Variants in RCOR1 observed in about 807,000 individuals in gnomAD.
RCOR1 encodes the protein REST corepressor 1, also known as REST corepressor.
Under a neutral mutation model 64.0 loss-of-function variants are expected in RCOR1, and 12 were observed. That is an observed-to-expected ratio of 0.19 (90% CI 0.12 to 0.30). The LOEUF (loss-of-function observed/expected upper bound fraction) is 0.30. RCOR1 is among the 10% of genes least tolerant of loss of function. The pLI, the probability that RCOR1 is intolerant of heterozygous loss-of-function variation, is 1.00. For missense variants in RCOR1, 502 were observed against 621.2 expected (o/e 0.81, Z 2.04); for synonymous variants, 279 against 227.2 (o/e 1.23, Z -2.05).
At chr14:102,597,590 A>C (rs1893283914) in intron 2 of RCOR1, among the ~76,000 whole-genome samples, 1 of 148,488 alleles carries the variant, frequency 6.7e-6, no homozygotes, top group African/African-American at 2.5e-5. Flanking sequence ...TGGCTTCCCA[A>C]AGTGCTGGGA....
At chr14:102,612,666 T>TC (rs1893655177) in intron 2 of RCOR1, among the ~76,000 whole-genome samples, 1 of 151,902 alleles carries the variant, frequency 6.6e-6, no homozygotes, top group African/African-American at 2.4e-5. Flanking sequence ...GATGAAGTAC[T>TC]CCATCTGATC....
chr14:102,658,802 C>T (rs1323413954), intron 2 of RCOR1: 1 of 272,116 alleles, frequency 3.7e-6, no homozygotes, highest in African/African-American at 2.3e-5. Flanking sequence ...TATGATGTCT[C>T]CCCAGTTTGC....
chr14:102,614,241 T>G (rs1236540526), intron 2 of RCOR1, among the ~76,000 whole-genome samples: 2 of 147,608 alleles, frequency 1.4e-5, no homozygotes, highest in African/African-American at 5.0e-5. Context: ...TTTTTTTTTT[T>G]TGAGACGGAG....
At chr14:102,637,584 A>G (rs1267527279) in intron 2 of RCOR1, among the ~76,000 whole-genome samples, 3 of 152,016 alleles carry the variant, frequency 2.0e-5, no homozygotes, top group Admixed American at 6.6e-5. Context: ...CCAAGTAGCT[A>G]GGACCACAGG....
At chr14:102,697,875 C>T (rs753724257) in intron 3 of RCOR1, among the ~76,000 whole-genome samples, 1 of 152,092 alleles carries the variant, frequency 6.6e-6, no homozygotes, top group Non-Finnish European at 1.5e-5. Flanking sequence ...CACGCACCAC[C>T]GTGCCCAGCT....
intron 3 of RCOR1, among the ~76,000 whole-genome samples, chr14:102,689,472 C>T (rs899078083): frequency 2.0e-5 from 3 of 152,114 alleles, no homozygotes; most frequent in Non-Finnish European, 4.4e-5. Flanking sequence ...CCAGAAGGAG[C>T]AAATTTCTCA....
At chr14:102,673,861 C>G (rs767264746) in intron 2 of RCOR1, among the ~76,000 whole-genome samples, 2 of 152,170 alleles carry the variant, frequency 1.3e-5, no homozygotes, top group Non-Finnish European at 2.9e-5. Flanking sequence ...GTGATCCGCC[C>G]GCCGCCGCCT....
At chr14:102,659,083 C>A in intron 2 of RCOR1, 1 of 973,238 alleles carries the variant, frequency 1.0e-6, no homozygotes, top group Non-Finnish European at 1.2e-6. Flanking sequence ...TGAAATTCTC[C>A]CACGAGGAAG....
rs11380772 is a variant in RCOR1, at chr14:102,727,281, A to ACCCCCCCCCCCCCCCCCCCCCCCCCCCCC, written c.*783_*784insCCCCCCCCCCCCCCCCCCCCCCCCCCCCC. ...GTGGTTGCCACCCCATCTTTTCCTG[A>ACCCCCCCCCCCCCCCCCCCCCCCCCCCCC]CCCCCCCCACCCCCCCACCTCCAAG... is the stretch of plus-strand genomic sequence containing the variant. On this transcript the variant is annotated 3_prime_UTR_variant, in exon 12 of 12. Transcript: ENST00000262241. The ACCCCCCCCCCCCCCCCCCCCCCCCCCCCC allele has an allele frequency of 1.4e-4, 17 of 118,146 alleles. No homozygotes were observed. Among genetic ancestry groups the ACCCCCCCCCCCCCCCCCCCCCCCCCCCCC allele is most frequent in the Admixed American group, 1.8e-4 (2 of 11,288 alleles). The allele number at this position is 118,146 out of a possible 1,614,324, so 7.3% of individuals were successfully genotyped here. A position where few individuals can be genotyped will look rare whatever the true frequency, so the allele number is the denominator to read the frequency against.
intron 3 of RCOR1, among the ~76,000 whole-genome samples, chr14:102,686,548 TATC>T (rs1461711302): frequency 6.6e-6 from 1 of 152,238 alleles, no homozygotes; most frequent in Non-Finnish European, 1.5e-5. Context: ...CCAATGTAGT[TATC>T]ATCGTTTCAC....
At chr14:102,639,560 G>A (rs1215144173) in intron 2 of RCOR1, among the ~76,000 whole-genome samples, 4 of 148,100 alleles carry the variant, frequency 2.7e-5, no homozygotes, top group South Asian at 4.2e-4. Flanking sequence ...TTGAGATGGA[G>A]TCTCGCTCTG....
chr14:102,639,182 A>G (rs1894306458), intron 2 of RCOR1, among the ~76,000 whole-genome samples: 1 of 152,084 alleles, frequency 6.6e-6, no homozygotes, highest in Admixed American at 6.6e-5. Context: ...GAAGGTAACT[A>G]AACAGCGTAA....
intron 3 of RCOR1, among the ~76,000 whole-genome samples, chr14:102,700,029 A>C (rs1895725067): frequency 6.6e-6 from 1 of 152,150 alleles, no homozygotes; most frequent in Admixed American, 6.6e-5. Context: ...AGCAAATACC[A>C]AGCACTGGGT....
chr14:102,640,824 G>A lies in RCOR1; in HGVS notation c.362-41071G>A, dbSNP rs116573943. Among the ~76,000 whole-genome samples the A allele has an allele frequency of 9.5e-3, 1,437 of 152,036 alleles. 24 individuals are homozygous for A. Among genetic ancestry groups the A allele is most frequent in the African/African-American group, 0.033 (1,359 of 41,340 alleles). ...AAAATTAAAAAATTAGCTGGCTGTCGTAGTGTGCACCTCTGGTTCCAGGTA... is the reference window on the plus strand; with the variant it reads ...AAAATTAAAAAATTAGCTGGCTGTCATAGTGTGCACCTCTGGTTCCAGGTA... On this transcript the variant is annotated intron_variant, in intron 2 of 11. Coordinates refer to ENST00000262241, the MANE Select transcript of RCOR1 (RefSeq NM_015156.4).
At chr14:102,691,123 G>A (rs895422178) in intron 3 of RCOR1, among the ~76,000 whole-genome samples, 9 of 152,176 alleles carry the variant, frequency 5.9e-5, no homozygotes, top group African/African-American at 1.4e-4. Context: ...CGAACAGTCC[G>A]ACAAGTCCCT....
intron 6 of RCOR1, among the ~76,000 whole-genome samples, chr14:102,710,237 G>A (rs190636973): frequency 8.5e-5 from 13 of 152,310 alleles, no homozygotes; most frequent in African/African-American, 2.9e-4. Context: ...GGCAAACTGG[G>A]GCAGGCTACT....
intron 2 of RCOR1, among the ~76,000 whole-genome samples, chr14:102,639,747 G>T (rs1894326497): frequency 2.0e-5 from 3 of 151,896 alleles, no homozygotes; most frequent in Admixed American, 2.0e-4. Context: ...TGGCCGGGCT[G>T]GTCTTGAACT....
chr14:102,593,120 C>A lies in RCOR1; in HGVS notation c.234C>A (p.Pro78=). ...ATAAAAGTTTGGCGGCGGCGGCGCC[C>A]AATGGCAACAGCAGCAGCAACTCCT... ...GQNKSLAAAA[P]NGNSSSNSWE... is the part of the protein sequence containing the mutation. Residue 78 remains proline, a synonymous_variant, in exon 1 of 12, where the codon CCC becomes CCA. Coordinates refer to ENST00000262241, the MANE Select transcript of RCOR1 (RefSeq NM_015156.4). The A allele has an allele frequency of 6.6e-7, 1 of 1,513,726 alleles. No individual in the cohort carries two copies. The highest frequency in any genetic ancestry group is 2.8e-5 in the East Asian group (1 of 35,540). 93.8% of individuals were successfully genotyped at this position (1,513,726 alleles called of 1,614,324 possible).
intron 2 of RCOR1, among the ~76,000 whole-genome samples, chr14:102,669,903 C>T (rs538777660): frequency 1.3e-5 from 2 of 152,252 alleles, no homozygotes; most frequent in African/African-American, 4.8e-5. Context: ...TGCGTAGCAT[C>T]TCAGGATATA....
Sources: allele counts gnomAD v4.1 joint callset (sites outside exome capture counted in the v4.1 genomes callset), GRCh38; gene constraint gnomAD v4.1.1; transcripts MANE v1.5; gene names NCBI Gene and HGNC (gene_info 2026-07-23, HGNC 2026-07-21).